The following TRIO variants were observed in gnomAD, a reference collection of about 807,000 sequenced individuals.
TRIO encodes the protein trio Rho guanine nucleotide exchange factor.
Under a neutral mutation model 351.9 loss-of-function variants are expected in TRIO, and 58 were observed. The observed-to-expected ratio is 0.16, with a 90% CI of 0.13 to 0.21. TRIO has a LOEUF of 0.21. Ranked by LOEUF, TRIO falls within the 10% of genes least tolerant of loss-of-function variation. The probability of loss-of-function intolerance (pLI) is 1.00; values close to 1 mark genes in which losing one functional copy is unlikely to be tolerated. For synonymous variants in TRIO, 1,758 were observed against 1,595.7 expected (o/e 1.10, Z -2.42); for missense variants, 3,201 against 4,027.8 (o/e 0.79, Z 5.56).
At position 14,377,510 on chromosome 5, in the gene TRIO, A is replaced by G. The variant is rs368925041; in HGVS notation, c.3332-502A>G. On this transcript the variant is annotated intron_variant, in intron 19 of 56. Coordinates refer to ENST00000344204, the MANE Select transcript of TRIO (RefSeq NM_007118.4). ...ATCCACCCATCCGCCTCAGCCTCCCAAAGTACTGGGATTACAGGCGTGAGC... is the reference window on the plus strand; with the variant it reads ...ATCCACCCATCCGCCTCAGCCTCCCGAAGTACTGGGATTACAGGCGTGAGC... Among the ~76,000 whole-genome samples, 28 of 152,202 alleles carry G rather than the reference A, an allele frequency of 1.8e-4. 1 individual carries two copies. The East Asian group carries it at 5.4e-3, about 29-fold the overall frequency.
At position 14,387,638 on chromosome 5, in the gene TRIO, T is replaced by G. The variant is rs375353102; in HGVS notation, c.3765+6T>G. 2 of 1,609,870 alleles carry G rather than the reference T, an allele frequency of 1.2e-6. No homozygotes were observed. The highest frequency in any genetic ancestry group is 1.7e-6 in the Non-Finnish European group (2 of 1,176,968). On this transcript the variant is annotated splice_donor_region_variant and intron_variant, in intron 22 of 56. Coordinates refer to ENST00000344204, the MANE Select transcript of TRIO (RefSeq NM_007118.4). Reference sequence around the variant, plus strand: ...CTTCAGATTCCAACAAATCGGTAAATGGCCTTGTGCAAACTGAATAAATTA... The same window carrying G: ...CTTCAGATTCCAACAAATCGGTAAAGGGCCTTGTGCAAACTGAATAAATTA...
At chr5:14,387,682 C>A (rs760959028) in intron 22 of TRIO, 50 bp downstream of exon 22, 3 of 1,609,610 alleles carry the variant, frequency 1.9e-6, no homozygotes, top group African/African-American at 2.7e-5. Flanking sequence ...TTCCTAACGC[C>A]CTCTCTGCTG....
At chr5:14,297,440 CT>C in intron 7 of TRIO, 177 bp downstream of exon 7, 1 of 684,834 alleles carries the variant, frequency 1.5e-6, no homozygotes, top group South Asian at 2.4e-5. Context: ...GCTGCGTAAC[CT>C]TAGGCAAGTG....
intron 42 of TRIO, 123 bp from the exon 43 acceptor site, chr5:14,479,796 T>C: frequency 1.2e-6 from 1 of 806,544 alleles, no homozygotes; most frequent in East Asian, 2.7e-5. Context: ...CTAGTTAGTC[T>C]AGTGCTTTTT....
rs957225163 is a variant in TRIO, at chr5:14,280,256, T to A, written c.233-66T>A. On this transcript the variant is annotated intron_variant, in intron 2 of 56. Coordinates refer to ENST00000344204, the MANE Select transcript of TRIO (RefSeq NM_007118.4). ...TTAGGAATAATTTTGACAGAGTGAA[T>A]GGATGATAACATAGGATTTCTGTCT... 4 of 1,468,996 alleles carry A rather than the reference T, an allele frequency of 2.7e-6. No individual in the cohort carries two copies. In the African/African-American group the frequency reaches 5.6e-5, roughly 20 times the overall value. 91.0% of individuals were successfully genotyped at this position (1,468,996 alleles called of 1,614,324 possible).
intron 6 of TRIO, among the ~76,000 whole-genome samples, chr5:14,293,437 C>T (rs905635179): frequency 3.3e-5 from 5 of 152,224 alleles, no homozygotes; most frequent in South Asian, 4.1e-4. Flanking sequence ...TAGGAGCCCA[C>T]GGGGGCCCCA....
At chr5:14,256,618 CTTTCA>C (rs1795035846) in intron 1 of TRIO, among the ~76,000 whole-genome samples, 1 of 152,200 alleles carries the variant, frequency 6.6e-6, no homozygotes, top group South Asian at 2.1e-4. Flanking sequence ...TTTGCTGAGA[CTTTCA>C]TTTTAGTAGC....
intron 1 of TRIO, among the ~76,000 whole-genome samples, chr5:14,192,117 A>G (rs1164778341): frequency 1.3e-5 from 2 of 152,206 alleles, no homozygotes; most frequent in Non-Finnish European, 2.9e-5. Flanking sequence ...AATGATGACA[A>G]TAATACAGAT....
At chr5:14,261,573 A>G (rs954975367) in intron 1 of TRIO, among the ~76,000 whole-genome samples, 1 of 152,182 alleles carries the variant, frequency 6.6e-6, no homozygotes, top group African/African-American at 2.4e-5. Flanking sequence ...AAATCTCATA[A>G]TGAAAACATT....
chr5:14,298,647 C>G (rs1737577464), intron 7 of TRIO, among the ~76,000 whole-genome samples: 1 of 152,106 alleles, frequency 6.6e-6, no homozygotes, highest in Non-Finnish European at 1.5e-5. Context: ...GCACAAGACA[C>G]TAATTAGCAG....
chr5:14,293,160 C>T (rs1282703941), intron 6 of TRIO, 26 bp downstream of exon 6: 9 of 1,613,566 alleles, frequency 5.6e-6, no homozygotes, highest in Non-Finnish European at 7.6e-6. Context: ...CAGCTGGACC[C>T]TGGCATGTGA....
In TRIO at chr5:14,396,443, C is replaced by CTTTTTTTTTTTTTTTT. The variant is rs1173121592; in HGVS notation, c.4312-571_4312-556dup. On this transcript the variant is annotated intron_variant, in intron 28 of 56. Transcript: ENST00000344204. ...ATAATAATTAAATATTTCTATTTAT[C>CTTTTTTTTTTTTTTTT]TTTTTTTTTTTTTTTTTTTTTTTTT... Among the ~76,000 whole-genome samples the CTTTTTTTTTTTTTTTT allele has an allele frequency of 7.2e-4, 30 of 41,552 alleles. 9 individuals carry two copies. The highest frequency in any genetic ancestry group is 1.9e-3 in the Admixed American group (4 of 2,094). The allele number at this position is 41,552 out of a possible 152,430, so 27.3% of individuals were successfully genotyped here.
At chr5:14,498,861 C>T (rs1026133793) in intron 53 of TRIO, 49 of 530,728 alleles carry the variant, frequency 9.2e-5, no homozygotes, top group Admixed American at 2.1e-4. Context: ...GGGGGAGACA[C>T]CGGAGCTCCT....
Position 14,143,546 on chromosome 5 carries a change from G to C in TRIO, c.-180G>C, listed in dbSNP as rs1344921086. On this transcript the variant is annotated 5_prime_UTR_variant, in exon 1 of 57. Transcript: ENST00000344204. ...TACCGGGCGGAGTCCTCGTCTATGT[G>C]GGCGCGCTCCTTGGGCCGAGCCGCC... 6.8e-6 allele frequency among the ~76,000 whole-genome samples: 1 copy of C among 147,020 alleles called. No individual in the cohort carries two copies. Among genetic ancestry groups the C allele is most frequent in the Admixed American group, 6.7e-5 (1 of 14,834 alleles).
chr5:14,231,153 C>T (rs965245295), intron 1 of TRIO, among the ~76,000 whole-genome samples: 2 of 152,210 alleles, frequency 1.3e-5, no homozygotes, highest in African/African-American at 4.8e-5. Flanking sequence ...CCTCTTGTGA[C>T]CCCGTTATAC....
chr5:14,421,497 G>T (rs1750152543), intron 34 of TRIO, among the ~76,000 whole-genome samples: 1 of 151,120 alleles, frequency 6.6e-6, no homozygotes, highest in South Asian at 2.1e-4. Context: ...CCAGCTACTC[G>T]AGAGGCTGAG....
intron 1 of TRIO, among the ~76,000 whole-genome samples, chr5:14,227,614 G>A (rs1380207567): frequency 6.6e-6 from 1 of 152,194 alleles, no homozygotes; most frequent in East Asian, 1.9e-4. Context: ...GAGGAATTTG[G>A]TTAGGAAGGA....
At chr5:14,250,351 T>C (rs1371943301) in intron 1 of TRIO, among the ~76,000 whole-genome samples, 1 of 152,130 alleles carries the variant, frequency 6.6e-6, no homozygotes, top group Non-Finnish European at 1.5e-5. Context: ...GCATGCCTGC[T>C]CCCCCTGGCC....
At chr5:14,503,126 G>A (rs967577116) in intron 54 of TRIO, among the ~76,000 whole-genome samples, 1 of 152,228 alleles carries the variant, frequency 6.6e-6, no homozygotes, top group African/African-American at 2.4e-5. Context: ...CCGAGTCAGG[G>A]GTGGCCCAGC....
Sources: allele counts gnomAD v4.1 joint callset (sites outside exome capture counted in the v4.1 genomes callset), GRCh38; gene constraint gnomAD v4.1.1; transcripts MANE v1.5; gene names NCBI Gene and HGNC (gene_info 2026-07-23, HGNC 2026-07-21).